Variants in PARN observed in about 807,000 individuals in gnomAD.
PARN encodes the protein poly(A)-specific ribonuclease PARN.
Under a neutral mutation model 102.8 loss-of-function variants are expected in PARN, and 71 were observed. That is an observed-to-expected ratio of 0.69 (90% CI 0.57 to 0.84). The LOEUF is 0.84. Among genes scored for constraint, PARN ranks in the 40% least tolerant of loss-of-function variants. PARN has a pLI of 0.00. For missense variants in PARN, 782 were observed against 760.9 expected (o/e 1.03, Z -0.33); for synonymous variants, 261 against 252.9 (o/e 1.03, Z -0.30).
chr16:14,488,086 G>T (rs1963822274), intron 21 of PARN, among the ~76,000 whole-genome samples: 2 of 152,070 alleles, frequency 1.3e-5, no homozygotes, highest in Admixed American at 6.5e-5. Flanking sequence ...CAATGGTACA[G>T]AATTCTAAGA....
chr16:14,457,744 G>C (rs1485031541), intron 22 of PARN, among the ~76,000 whole-genome samples: 1 of 130,030 alleles, frequency 7.7e-6, no homozygotes, highest in Non-Finnish European at 1.5e-5. Flanking sequence ...GTTGCAGTGA[G>C]CCAATATCGC....
At chr16:14,603,989 C>T (rs1971030218) in intron 11 of PARN, among the ~76,000 whole-genome samples, 157 bp downstream of exon 11, 1 of 152,162 alleles carries the variant, frequency 6.6e-6, no homozygotes, top group Non-Finnish European at 1.5e-5. Context: ...ATCTAACTTC[C>T]CCTTATTCTA....
In PARN at chr16:14,580,865, ATTAC is replaced by A; in HGVS notation, c.1262+5_1262+8del. 1 of 1,564,166 alleles carries A rather than the reference ATTAC, an allele frequency of 6.4e-7. No homozygotes were observed. The highest frequency in any genetic ancestry group is 8.8e-7 in the Non-Finnish European group (1 of 1,134,902). The stretch of plus-strand genomic sequence containing the variant: ...AGAACTTGGAAACTGGAACTCTCTG[ATTAC>A]TTACTTGTTAAAAAAAGGTTCAATG... On this transcript the variant is annotated splice_donor_5th_base_variant and intron_variant, in intron 18 of 23. Coordinates refer to ENST00000437198, the MANE Select transcript of PARN (RefSeq NM_002582.4).
intron 13 of PARN, among the ~76,000 whole-genome samples, chr16:14,586,751 G>T (rs1039735031): frequency 6.6e-6 from 1 of 152,166 alleles, no homozygotes; most frequent in African/African-American, 2.4e-5. Context: ...TCATAACAGT[G>T]AGACAAGCAG....
chr16:14,595,981 G>T (rs1451993157), intron 12 of PARN, among the ~76,000 whole-genome samples: 2 of 152,068 alleles, frequency 1.3e-5, no homozygotes, highest in Non-Finnish European at 2.9e-5. Context: ...CATTTATATA[G>T]ATCCACACAC....
chr16:14,535,895 C>A (rs79321692), intron 21 of PARN, among the ~76,000 whole-genome samples: 6,443 of 152,190 alleles, frequency 0.042, 146 homozygotes, highest in African/African-American at 0.051. Context: ...CGGAATGTAT[C>A]CTCCATGGAT....
At chr16:14,557,601 T>C (rs1006582169) in intron 18 of PARN, among the ~76,000 whole-genome samples, 2 of 150,938 alleles carry the variant, frequency 1.3e-5, no homozygotes, top group Non-Finnish European at 2.9e-5. Flanking sequence ...AAAGCTAGTT[T>C]ACAAATGGAA....
chr16:14,589,608 G>A (rs1028869023), intron 13 of PARN, among the ~76,000 whole-genome samples: 2 of 151,630 alleles, frequency 1.3e-5, no homozygotes, highest in African/African-American at 2.4e-5. Flanking sequence ...GCTCATGCCT[G>A]TAATCGCAAC....
chr16:14,625,940 T>C (rs1972621717), intron 5 of PARN, among the ~76,000 whole-genome samples: 1 of 152,100 alleles, frequency 6.6e-6, no homozygotes, highest in Non-Finnish European at 1.5e-5. Flanking sequence ...TTACTCACAT[T>C]CTCCTTATCC....
chr16:14,582,691 G>T (rs577764799), intron 16 of PARN, among the ~76,000 whole-genome samples: 1 of 151,928 alleles, frequency 6.6e-6, no homozygotes, highest in Non-Finnish European at 1.5e-5. Context: ...CCAGAGTAAA[G>T]ATTAAGAGCA....
chr16:14,617,530 AC>A, intron 6 of PARN, 59 bp downstream of exon 6: 1 of 866,438 alleles, frequency 1.2e-6, no homozygotes, highest in African/African-American at 1.7e-5. Context: ...GTTCAGACTT[AC>A]TTCCCAAGGA....
intron 6 of PARN, among the ~76,000 whole-genome samples, chr16:14,615,490 T>A (rs780255747): frequency 8.5e-5 from 13 of 152,150 alleles, no homozygotes; most frequent in Non-Finnish European, 1.6e-4. Context: ...CCAAACTGTA[T>A]TGCTCTGCTG....
At chr16:14,520,617 T>C (rs769509504) in intron 21 of PARN, among the ~76,000 whole-genome samples, 3 of 151,814 alleles carry the variant, frequency 2.0e-5, no homozygotes, top group Non-Finnish European at 4.4e-5. Flanking sequence ...GAGAACAGCT[T>C]GAGCCTGGGA....
chr16:14,555,699 T>A lies in PARN; in HGVS notation c.1273A>T (p.Met425Leu). ...AGATAGGGGATATCCATGACCCTCA[T>A]AAGAAATAACCTACAAGAAGAAAAG... Reference protein sequence around the residue: ...IEPFFNKLFLMRVMDIPYLNL... With the variant: ...IEPFFNKLFLLRVMDIPYLNL... The change falls in exon 19 of 24, where the codon ATG (methionine) becomes TTG (leucine). Residue 425 changes from methionine (M) to leucine (L), a missense_variant. By Grantham distance (15) the Met-to-Leu change is conservative (BLOSUM62 2). Coordinates refer to ENST00000437198, the MANE Select transcript of PARN (RefSeq NM_002582.4). 2 of 1,480,632 alleles carry A rather than the reference T, an allele frequency of 1.4e-6. No homozygotes were observed. Among genetic ancestry groups the A allele is most frequent in the Non-Finnish European group, 1.8e-6 (2 of 1,089,272 alleles). 91.7% of individuals were successfully genotyped at this position (1,480,632 alleles called of 1,614,324 possible).
intron 5 of PARN, among the ~76,000 whole-genome samples, chr16:14,620,069 CAAAA>C (rs1167781322): frequency 8.8e-4 from 42 of 47,544 alleles, no homozygotes; most frequent in Admixed American, 1.6e-3. Context: ...GACTCTGTCT[CAAAA>C]AAAAAAAAAA....
intron 12 of PARN, among the ~76,000 whole-genome samples, chr16:14,594,677 C>A (rs1970397022): frequency 6.6e-6 from 1 of 152,200 alleles, no homozygotes; most frequent in South Asian, 2.1e-4. Flanking sequence ...GATCGCACCA[C>A]TGCACTCCAG....
chr16:14,551,763 T>C (rs1321991508), intron 21 of PARN, among the ~76,000 whole-genome samples: 2 of 152,120 alleles, frequency 1.3e-5, no homozygotes, highest in Non-Finnish European at 2.9e-5. Context: ...AAAAGTGCAA[T>C]GAGAAAGGAA....
rs777765060 is a variant in PARN at position 14,552,128 on chromosome 16, T to C, written c.1406-33A>G. On this transcript the variant is annotated intron_variant, in intron 20 of 23. Coordinates refer to ENST00000437198, the MANE Select transcript of PARN (RefSeq NM_002582.4). ...CGCAAATTAAAAGTAAAGTGAACAT[T>C]TGACCATGTGGAGAGCTATTAGATT... The C allele has an allele frequency of 8.9e-5, 123 of 1,376,798 alleles. No homozygotes were observed. The East Asian group carries it at 2.6e-3, about 29-fold the overall frequency. The allele number at this position is 1,376,798 out of a possible 1,614,324, so 85.3% of individuals were successfully genotyped here.
At chr16:14,473,812 G>C (rs1232073611) in intron 22 of PARN, among the ~76,000 whole-genome samples, 2 of 152,208 alleles carry the variant, frequency 1.3e-5, no homozygotes, top group Non-Finnish European at 2.9e-5. Flanking sequence ...CCCACTCAAA[G>C]TGATGAATGT....
Sources: allele counts gnomAD v4.1 joint callset (sites outside exome capture counted in the v4.1 genomes callset), GRCh38; gene constraint gnomAD v4.1.1; transcripts MANE v1.5; gene names NCBI Gene and HGNC (gene_info 2026-07-23, HGNC 2026-07-21).